Variants in UBE2V2 observed in about 807,000 individuals in gnomAD.
The protein encoded by UBE2V2 is ubiquitin-conjugating enzyme E2 variant 2.
Under a neutral mutation model 17.2 loss-of-function variants are expected in UBE2V2, and 9 were observed. That is an observed-to-expected ratio of 0.52 (90% CI 0.32 to 0.91). The LOEUF is 0.91. Among genes scored for constraint, UBE2V2 ranks in the 40% least tolerant of loss-of-function variants. The pLI is 0.04. For synonymous variants in UBE2V2, 61 were observed against 57.5 expected, an observed-to-expected ratio of 1.06 and a Z score of -0.28; for missense variants, 133 against 182.6, an observed-to-expected ratio of 0.73 and a Z score of 1.56.
At chr8:48,056,814 C>A (rs1409147237) in intron 3 of UBE2V2, among the ~76,000 whole-genome samples, 1 of 152,200 alleles carries the variant, frequency 6.6e-6, no homozygotes, top group African/African-American at 2.4e-5. Flanking sequence ...ACCTCCACCT[C>A]CTGGACTCAA....
intron 2 of UBE2V2, among the ~76,000 whole-genome samples, chr8:48,048,855 C>T (rs1465075586): frequency 1.3e-5 from 2 of 151,740 alleles, no homozygotes; most frequent in East Asian, 1.9e-4. Flanking sequence ...TTTTCACTTT[C>T]ATTTATTTAT....
chr8:48,057,992 A>C (rs990755697), intron 3 of UBE2V2, among the ~76,000 whole-genome samples: 1 of 152,008 alleles, frequency 6.6e-6, no homozygotes, highest in Non-Finnish European at 1.5e-5. Flanking sequence ...CTTCTTTGTT[A>C]ATTGTCCTGG....
chr8:48,052,427 T>C (rs2091544756), intron 3 of UBE2V2, among the ~76,000 whole-genome samples: 1 of 152,234 alleles, frequency 6.6e-6, no homozygotes, highest in African/African-American at 2.4e-5. Context: ...TCTAATAAGC[T>C]TATCTGATCT....
chr8:48,041,210 C>G (rs553131486), intron 1 of UBE2V2, among the ~76,000 whole-genome samples: 116 of 144,748 alleles, frequency 8.0e-4, no homozygotes, highest in African/African-American at 2.8e-3. Flanking sequence ...CTCGCTCTGT[C>G]GTCTAGGCTG....
intron 3 of UBE2V2, among the ~76,000 whole-genome samples, chr8:48,056,826 C>T (rs951760034): frequency 6.6e-6 from 1 of 152,196 alleles, no homozygotes; most frequent in African/African-American, 2.4e-5. Flanking sequence ...TGGACTCAAG[C>T]AGTTCTCGTG....
intron 1 of UBE2V2, among the ~76,000 whole-genome samples, chr8:48,041,212 T>C (rs1295474592): frequency 1.5e-5 from 2 of 134,566 alleles, no homozygotes; most frequent in African/African-American, 2.8e-5. Context: ...CGCTCTGTCG[T>C]CTAGGCTGGA....
chr8:48,017,001 G>T (rs2091273551), intron 1 of UBE2V2, among the ~76,000 whole-genome samples: 1 of 151,826 alleles, frequency 6.6e-6, no homozygotes, highest in South Asian at 2.1e-4. Flanking sequence ...GGCCAGGCTA[G>T]GCTGGTCTCA....
At chr8:48,036,440 T>A (rs1406700060) in intron 1 of UBE2V2, among the ~76,000 whole-genome samples, 3 of 151,280 alleles carry the variant, frequency 2.0e-5, no homozygotes, top group African/African-American at 7.3e-5. Context: ...CTCAAAAAAA[T>A]ATATATTTTT....
the UBE2V2 span, among the ~76,000 whole-genome samples, chr8:47,997,793 G>A: frequency 6.6e-6 from 1 of 152,076 alleles, no homozygotes; most frequent in South Asian, 2.1e-4. Flanking sequence ...TAGGAGGCGG[G>A]ATGGTTGGAG....
upstream of UBE2V2, among the ~76,000 whole-genome samples, chr8:48,008,140 T>G (rs566307735): frequency 6.6e-6 from 1 of 152,284 alleles, no homozygotes; most frequent in South Asian, 2.1e-4. Flanking sequence ...CAGGCTGGTT[T>G]CGAACTCCTG....
At chr8:47,999,855 G>A in the UBE2V2 span, among the ~76,000 whole-genome samples, 1 of 152,200 alleles carries the variant, frequency 6.6e-6, no homozygotes, top group African/African-American at 2.4e-5. Context: ...AGCAATTCCT[G>A]TCCCTTTTAA....
intron 1 of UBE2V2, among the ~76,000 whole-genome samples, chr8:48,014,684 A>G (rs1017816810): frequency 4.6e-5 from 7 of 151,128 alleles, no homozygotes; most frequent in Non-Finnish European, 1.0e-4. Flanking sequence ...AAATGAAACC[A>G]GTAAAATTAA....
At chr8:48,036,056 G>C (rs952625761) in intron 1 of UBE2V2, among the ~76,000 whole-genome samples, 1 of 149,222 alleles carries the variant, frequency 6.7e-6, no homozygotes, top group African/African-American at 2.5e-5. Flanking sequence ...CCAGGCTCAA[G>C]TGATCCTTCC....
intron 1 of UBE2V2, among the ~76,000 whole-genome samples, chr8:48,027,486 T>G: frequency 6.6e-6 from 1 of 152,180 alleles, no homozygotes. Flanking sequence ...TTTCATGTGC[T>G]TACTAGTTTT....
intron 1 of UBE2V2, among the ~76,000 whole-genome samples, chr8:48,040,191 C>T (rs1012628529): frequency 5.9e-5 from 9 of 151,984 alleles, no homozygotes; most frequent in Non-Finnish European, 8.8e-5. Context: ...TCTCTTCCCC[C>T]CTCCCTTCAC....
intron 1 of UBE2V2, among the ~76,000 whole-genome samples, chr8:48,025,158 G>C (rs1232942643): frequency 6.6e-6 from 1 of 152,132 alleles, no homozygotes; most frequent in Middle Eastern, 3.4e-3. Context: ...AGATGGTCTC[G>C]ATCTCCTGAC....
chr8:48,050,613 C>G (rs977075168), intron 3 of UBE2V2: 1 of 147,382 alleles, frequency 6.8e-6, no homozygotes, highest in Non-Finnish European at 1.5e-5. Context: ...CATTATTGGG[C>G]GGGGCATGGT....
chr8:48,025,952 T>C (rs758248864), intron 1 of UBE2V2, among the ~76,000 whole-genome samples: 4 of 152,156 alleles, frequency 2.6e-5, no homozygotes, highest in East Asian at 1.9e-4. Context: ...AGGGAGGTTA[T>C]TGGGAGTGTT....
chr8:48,061,898 CT>C lies in UBE2V2; in HGVS notation c.*1076del, dbSNP rs955678902. 2.6e-5 allele frequency: 4 copies of C among 152,070 alleles called. No homozygotes were observed. Among genetic ancestry groups the C allele is most frequent in the Non-Finnish European group, 5.9e-5 (4 of 68,000 alleles). 9.4% of individuals were successfully genotyped at this position (152,070 alleles called of 1,614,324 possible). ...TATCCCATTTTTTAAAGCATAATAT[CT>C]TTTTTAGTTGTTTTTCTGTGAAGCT... On this transcript the variant is annotated 3_prime_UTR_variant, in exon 4 of 4. Transcript: ENST00000523111.
Sources: allele counts gnomAD v4.1 joint callset (sites outside exome capture counted in the v4.1 genomes callset), GRCh38; gene constraint gnomAD v4.1.1; transcripts MANE v1.5; gene names NCBI Gene and HGNC (gene_info 2026-07-23, HGNC 2026-07-21).